The following SNX9 variants were observed in gnomAD, a reference collection of about 807,000 sequenced individuals.
The protein encoded by SNX9 is sorting nexin 9.
A neutral mutation model predicts 89.4 loss-of-function variants in SNX9; 44 were observed. The observed-to-expected ratio is 0.49, with a 90% CI of 0.39 to 0.63. The LOEUF (loss-of-function observed/expected upper bound fraction) is 0.63, where lower values mean the gene tolerates loss of function less well. Ranked by LOEUF, SNX9 falls within the 30% of genes least tolerant of loss-of-function variation. SNX9 has a pLI of 0.00. For synonymous variants in SNX9, 236 were observed against 247.8 expected, an observed-to-expected ratio of 0.95 and a Z score of 0.45; for missense variants, 578 against 736.1, an observed-to-expected ratio of 0.79 and a Z score of 2.49.
At chr6:157,832,968 C>G (rs543315522) in intron 1 of SNX9, among the ~76,000 whole-genome samples, 4 of 152,288 alleles carry the variant, frequency 2.6e-5, no homozygotes, top group African/African-American at 7.2e-5. Flanking sequence ...CCAGACTTTG[C>G]CTTGTCAGAT....
rs1282562281 is a variant in SNX9, at chr6:157,836,779, G to C, written c.12+13333G>C. Among the ~76,000 whole-genome samples, 11 of 151,980 alleles carry C rather than the reference G, an allele frequency of 7.2e-5. 1 individual carries two copies. The highest frequency in any genetic ancestry group is 7.2e-4 in the Admixed American group (11 of 15,262). On this transcript the variant is annotated intron_variant, in intron 1 of 17. Transcript: ENST00000392185. Reference sequence around the variant, plus strand: ...CTAATTTTTTTGTATTTTTAGTAGAGACGGGGTTTCACCATGTTAGCCCGG... The same window carrying C: ...CTAATTTTTTTGTATTTTTAGTAGACACGGGGTTTCACCATGTTAGCCCGG...
At chr6:157,917,404 C>T (rs556421523) in intron 9 of SNX9, among the ~76,000 whole-genome samples, 5 of 151,726 alleles carry the variant, frequency 3.3e-5, no homozygotes, top group Admixed American at 1.3e-4. Flanking sequence ...GAGATATTTC[C>T]GCTATCACAG....
chr6:157,900,465 C>A (rs777537992), intron 5 of SNX9, among the ~76,000 whole-genome samples: 21 of 152,160 alleles, frequency 1.4e-4, no homozygotes, highest in Non-Finnish European at 2.9e-5. Flanking sequence ...TGTTCCCAGG[C>A]GGATCGGCCC....
chr6:157,838,713 T>C (rs1161648126), intron 1 of SNX9, among the ~76,000 whole-genome samples: 1 of 152,234 alleles, frequency 6.6e-6, no homozygotes, highest in East Asian at 1.9e-4. Flanking sequence ...AAGGCATGTT[T>C]AGTTTGAGGT....
At chr6:157,826,849 T>TATATATAAATATATATTATAATTTATATA (rs1781362547) in intron 1 of SNX9, among the ~76,000 whole-genome samples, 1 of 44,270 alleles carries the variant, frequency 2.3e-5, no homozygotes, top group Admixed American at 3.1e-4. Context: ...TATTATATTT[T>TATATATAAATATATATTATAATTTATATA]ATATATAAAT....
chr6:157,875,599 G>GC (rs561473343), intron 4 of SNX9, among the ~76,000 whole-genome samples: 151 of 152,266 alleles, frequency 9.9e-4, no homozygotes, highest in Middle Eastern at 3.4e-3. Context: ...AGAGCTAGAG[G>GC]CCCTCATCCT....
At chr6:157,941,775 C>T (rs1784040829) in intron 17 of SNX9, among the ~76,000 whole-genome samples, 1 of 152,208 alleles carries the variant, frequency 6.6e-6, no homozygotes, top group African/African-American at 2.4e-5. Flanking sequence ...TAAAGGAGAA[C>T]TGTGCTTGAT....
intron 1 of SNX9, among the ~76,000 whole-genome samples, chr6:157,836,881 G>A (rs1480398903): frequency 1.3e-5 from 2 of 152,116 alleles, no homozygotes; most frequent in Admixed American, 6.5e-5. Context: ...GTGAGCCACC[G>A]CGCCCGGCCG....
intron 1 of SNX9, among the ~76,000 whole-genome samples, chr6:157,859,710 G>A (rs1307444855): frequency 1.3e-5 from 2 of 152,176 alleles, no homozygotes; most frequent in Non-Finnish European, 2.9e-5. Flanking sequence ...TGAGCGTTTT[G>A]TCATGCATTT....
At chr6:157,884,857 G>A (rs139096541) in intron 4 of SNX9, among the ~76,000 whole-genome samples, 77 of 152,246 alleles carry the variant, frequency 5.1e-4, no homozygotes, top group African/African-American at 9.1e-4. Flanking sequence ...AACTATTAAA[G>A]CAAAGTCTTT....
intron 2 of SNX9, among the ~76,000 whole-genome samples, chr6:157,868,945 C>G (rs2115135736): frequency 6.6e-6 from 1 of 152,342 alleles, no homozygotes; most frequent in African/African-American, 2.4e-5. Context: ...CGTGTCTCTT[C>G]TGTGTCCTCT....
intron 7 of SNX9, among the ~76,000 whole-genome samples, chr6:157,907,885 A>G (rs1169413255): frequency 6.6e-6 from 1 of 152,180 alleles, no homozygotes; most frequent in Non-Finnish European, 1.5e-5. Flanking sequence ...CTCTCGGCCC[A>G]CTCACTGAGG....
Position 157,932,178 on chromosome 6 carries a change from T to G in SNX9, c.1289-17T>G. 1 of 1,611,360 alleles carries G rather than the reference T, an allele frequency of 6.2e-7. No individual in the cohort carries two copies. Among genetic ancestry groups the G allele is most frequent in the Non-Finnish European group, 8.5e-7 (1 of 1,177,444 alleles). ...TTTGCTCAGAAGACTAATCGTTTAT[T>G]CCTTTTTGTCTTTCAGCATTACCCA... On this transcript the variant is annotated splice_polypyrimidine_tract_variant and intron_variant, in intron 12 of 17. Transcript: ENST00000392185.
At chr6:157,880,095 C>G (rs1782594218) in intron 4 of SNX9, among the ~76,000 whole-genome samples, 1 of 152,164 alleles carries the variant, frequency 6.6e-6, no homozygotes, top group Non-Finnish European at 1.5e-5. Context: ...TTTTCTGTTT[C>G]ACACCCCGCC....
chr6:157,856,025 A>T (rs1175205334), intron 1 of SNX9, among the ~76,000 whole-genome samples: 3 of 152,238 alleles, frequency 2.0e-5, no homozygotes, highest in Non-Finnish European at 2.9e-5. Context: ...CTGGGATTAC[A>T]GGCGTGAGCC....
chr6:157,891,902 A>C (rs1047554627), intron 4 of SNX9, among the ~76,000 whole-genome samples: 2 of 152,208 alleles, frequency 1.3e-5, no homozygotes, highest in African/African-American at 4.8e-5. Context: ...GGTTAGTGGC[A>C]GGTAGGGAGA....
At chr6:157,869,950 ACT>A (rs915860075) in intron 2 of SNX9, among the ~76,000 whole-genome samples, 4 of 150,542 alleles carry the variant, frequency 2.7e-5, no homozygotes, top group East Asian at 2.0e-4. Context: ...CACTTTACAT[ACT>A]CTTTCACGTG....
intron 1 of SNX9, among the ~76,000 whole-genome samples, chr6:157,834,499 AC>A (rs201216200): frequency 3.4e-5 from 5 of 147,710 alleles, no homozygotes; most frequent in East Asian, 2.0e-4. Context: ...GCTGTGTGCC[AC>A]CCCCCCGGCC....
Position 157,896,956 on chromosome 6 carries a change from T to C in SNX9, c.430T>C (p.Trp144Arg). The change falls in exon 5 of 18, where the codon TGG becomes CGG. Residue 144 changes from tryptophan (W) to arginine (R), a missense_variant. Coordinates refer to ENST00000392185, the MANE Select transcript of SNX9 (RefSeq NM_016224.5). ...AQRNTNTPNN[W>R]DTAFGHPQAY... ...AAGAAACACAAACACTCCCAACAAC[T>C]GGGACACTGCCTTCGGCCACCCCCA... 4.3e-6 allele frequency: 7 copies of C among 1,612,060 alleles called. No individual in the cohort carries two copies. Among genetic ancestry groups the C allele is most frequent in the South Asian group, 1.1e-5 (1 of 90,970 alleles).
Sources: gnomAD v4.1 joint callset for allele counts (sites outside exome capture counted in the v4.1 genomes callset) on GRCh38, gnomAD v4.1.1 for gene constraint, MANE v1.5 for transcripts, NCBI Gene and HGNC (gene_info 2026-07-23, HGNC 2026-07-21) for gene names.